Variants in WIPI1 observed in about 807,000 individuals in gnomAD.
WIPI1 encodes the protein WD repeat domain, phosphoinositide interacting 1.
WIPI1 carries 45 observed loss-of-function variants against 55.3 expected under a neutral mutation model. The observed-to-expected ratio is 0.81, with a 90% CI of 0.64 to 1.04. The LOEUF is 1.04. Ranked by LOEUF, WIPI1 falls within the 50% of genes least tolerant of loss-of-function variation. WIPI1 has a pLI of 0.00. For missense variants in WIPI1, 445 were observed against 559.0 expected, an observed-to-expected ratio of 0.80 and a Z score of 2.06; for synonymous variants, 195 against 217.6, an observed-to-expected ratio of 0.90 and a Z score of 0.92.
intron 3 of WIPI1, 42 bp downstream of exon 3, chr17:68,450,682 TCCCG>T (rs1211811007): frequency 6.4e-7 from 1 of 1,555,912 alleles, no homozygotes; most frequent in Non-Finnish European, 8.7e-7. Flanking sequence ...TTTGTTTGGC[TCCCG>T]TTAGCAGAAG....
At chr17:68,422,309 C>G (rs1368351356) in intron 12 of WIPI1, 3 of 160,078 alleles carry the variant, frequency 1.9e-5, no homozygotes, top group Non-Finnish European at 4.1e-5. Flanking sequence ...CACCTGTAAT[C>G]CCAGCTACTC....
chr17:68,455,268 C>G (rs1229845379), intron 1 of WIPI1, among the ~76,000 whole-genome samples: 1 of 148,872 alleles, frequency 6.7e-6, no homozygotes, highest in Non-Finnish European at 1.5e-5. Flanking sequence ...GAGGCTGAGA[C>G]AGGAGAATCG....
At chr17:68,455,165 C>T (rs2084615055) in intron 1 of WIPI1, among the ~76,000 whole-genome samples, 1 of 151,988 alleles carries the variant, frequency 6.6e-6, no homozygotes, top group Non-Finnish European at 1.5e-5. Flanking sequence ...AGTTCAAGAC[C>T]AAGCTGGGCA....
intron 4 of WIPI1, 49 bp downstream of exon 4, chr17:68,444,444 C>G (rs765302449): frequency 1.6e-5 from 24 of 1,535,586 alleles, no homozygotes; most frequent in Non-Finnish European, 2.1e-5. Flanking sequence ...GGGAAAGAAG[C>G]ACCAGGACAT....
intron 9 of WIPI1, among the ~76,000 whole-genome samples, chr17:68,429,629 C>A (rs1475207898): frequency 6.6e-6 from 1 of 152,050 alleles, no homozygotes; most frequent in Non-Finnish European, 1.5e-5. Flanking sequence ...TGCTCTGTCG[C>A]CCAGGCTGGA....
chr17:68,452,789 TC>T, intron 2 of WIPI1, 120 bp downstream of exon 2: 4 of 744,816 alleles, frequency 5.4e-6, no homozygotes, highest in Non-Finnish European at 8.5e-6. Context: ...AAATCTTGAC[TC>T]CCTAAGTTTG....
chr17:68,442,904 C>A (rs2084139829), intron 4 of WIPI1, among the ~76,000 whole-genome samples: 1 of 152,130 alleles, frequency 6.6e-6, no homozygotes, highest in Non-Finnish European at 1.5e-5. Context: ...CCTAATGGTG[C>A]CTACTATGGT....
chr17:68,447,279 T>C (rs2084320783), intron 3 of WIPI1, among the ~76,000 whole-genome samples: 1 of 152,230 alleles, frequency 6.6e-6, no homozygotes, highest in South Asian at 2.1e-4. Flanking sequence ...ACAGCTGTCT[T>C]GATTCCATAA....
chr17:68,440,888 T>C (rs2084046065), intron 4 of WIPI1: 1 of 152,224 alleles, frequency 6.6e-6, no homozygotes, highest in Admixed American at 6.5e-5. Context: ...CAGGTTACGC[T>C]TTCCGATTTT....
rs543777888 is a variant in WIPI1 at position 68,442,017 on chromosome 17, T to C, written c.430+2476A>G. ...CTCATTTTTCTTGAGATAAAATCGA[T>C]TCCCTTTACAAACAATATACACTGT... On this transcript the variant is annotated intron_variant, in intron 4 of 12. Transcript: ENST00000262139. Among the ~76,000 whole-genome samples the C allele has an allele frequency of 9.5e-4, 144 of 152,324 alleles. 1 individual carries two copies. Among genetic ancestry groups the C allele is most frequent in the African/African-American group, 3.4e-3 (143 of 41,570 alleles).
intron 2 of WIPI1, among the ~76,000 whole-genome samples, chr17:68,452,259 T>C (rs1188273985): frequency 6.6e-6 from 1 of 152,184 alleles, no homozygotes; most frequent in Admixed American, 6.5e-5. Flanking sequence ...GGTGCCAATA[T>C]AATGGCAAAA....
chr17:68,426,254 G>GGGGGGGGGGGGGGGGGGGGCCCCCCCC, intron 11 of WIPI1, 79 bp from the exon 12 acceptor site: 1 of 816,924 alleles, frequency 1.2e-6, no homozygotes, highest in Non-Finnish European at 1.9e-6. Flanking sequence ...GGGAGCGGGG[G>GGGGGGGGGGGGGGGGGGGGCCCCCCCC]CTCAAATAAA....
intron 7 of WIPI1, 104 bp from the exon 8 acceptor site, chr17:68,433,679 G>T: frequency 1.3e-6 from 1 of 796,258 alleles, no homozygotes; most frequent in Non-Finnish European, 2.0e-6. Flanking sequence ...ATCCTGAAGA[G>T]CCTAGGTAGA....
intron 5 of WIPI1, among the ~76,000 whole-genome samples, chr17:68,435,950 G>A (rs753599235): frequency 6.6e-5 from 10 of 152,254 alleles, no homozygotes; most frequent in Non-Finnish European, 1.3e-4. Flanking sequence ...GGCCACGAAC[G>A]GAGCACCTGA....
intron 4 of WIPI1, chr17:68,440,659 C>G (rs903631874): frequency 6.6e-6 from 1 of 151,840 alleles, no homozygotes; most frequent in African/African-American, 2.4e-5. Flanking sequence ...TCACTGGCAG[C>G]TATAATTCCA....
chr17:68,424,705 G>A lies in WIPI1; in HGVS notation c.1293+1370C>T, dbSNP rs541120102. 5.3e-5 allele frequency among the ~76,000 whole-genome samples: 8 copies of A among 152,218 alleles called. No homozygotes were observed. In the South Asian group the frequency reaches 1.0e-3, roughly 20 times the overall value. ...AGCGTGACCAACATGGTGAAACCCC[G>A]TCTCTACTAAAAATACAAAATATTA... On this transcript the variant is annotated intron_variant, in intron 12 of 12. Coordinates refer to ENST00000262139, the MANE Select transcript of WIPI1 (RefSeq NM_017983.7).
At chr17:68,426,243 G>A in intron 11 of WIPI1, 68 bp from the exon 12 acceptor site, 2 of 935,362 alleles carry the variant, frequency 2.1e-6, no homozygotes, top group Non-Finnish European at 3.2e-6. Flanking sequence ...CCTGGCGGGT[G>A]GGGAGCGGGG....
At chr17:68,421,938 A>G (rs1600225203) in intron 12 of WIPI1, 118 bp from the exon 13 acceptor site, 1 of 1,349,954 alleles carries the variant, frequency 7.4e-7, no homozygotes, top group Non-Finnish European at 1.1e-6. Flanking sequence ...GCACTGTGGA[A>G]TTTTTCTGTC....
At chr17:68,443,465 G>A (rs891580640) in intron 4 of WIPI1, among the ~76,000 whole-genome samples, 4 of 152,172 alleles carry the variant, frequency 2.6e-5, no homozygotes, top group Admixed American at 6.5e-5. Context: ...TGAAAGCACT[G>A]AAATCAACAG....
Sources: gnomAD v4.1 joint callset for allele counts (sites outside exome capture counted in the v4.1 genomes callset) on GRCh38, gnomAD v4.1.1 for gene constraint, MANE v1.5 for transcripts, NCBI Gene and HGNC (gene_info 2026-07-23, HGNC 2026-07-21) for gene names.